Variants in ZDBF2 observed in about 807,000 individuals in gnomAD.
ZDBF2 encodes the protein DBF4-type zinc finger-containing protein 2.
In ZDBF2, 6 loss-of-function variants were observed where a neutral mutation model predicts 9.4. The ratio of observed to expected loss-of-function variants is 0.64; its 90% CI spans 0.35 to 1.27. The LOEUF (loss-of-function observed/expected upper bound fraction) is 1.27, where lower values mean the gene tolerates loss of function less well. Among genes scored for constraint, ZDBF2 ranks in the 50% most tolerant of loss-of-function variants. ZDBF2 has a pLI of 0.03. For missense variants in ZDBF2, 2,697 were observed against 2,766.8 expected, an observed-to-expected ratio of 0.97 and a Z score of 0.57; for synonymous variants, 905 against 946.3, an observed-to-expected ratio of 0.96 and a Z score of 0.80.
In ZDBF2 at chr2:206,305,835, C is replaced by T. The variant is rs1241415823; in HGVS notation, c.1307C>T (p.Thr436Ile). 6.2e-7 allele frequency: 1 copy of T among 1,613,420 alleles called. No homozygotes were observed. Among genetic ancestry groups the T allele is most frequent in the South Asian group, 1.1e-5 (1 of 91,028 alleles). ...KEVNLSKEVR[T>I]DVQYKNNKSY... ...GTAAACCTTTCCAAGGAAGTACGTA[C>T]TGATGTACAGTATAAGAATAATAAA... Residue 436 changes from threonine to isoleucine, a missense_variant, in exon 5 of 5, where the codon ACT becomes ATT. Physicochemically the swap from Thr to Ile is moderately conservative, Grantham distance 89. Around this residue, in one of 3 missense-constraint regions of ZDBF2, gnomAD observed 910 missense variants for 973.6 expected, o/e 0.93. Transcript: ENST00000374423.
Position 206,305,710 on chromosome 2 carries a change from C to G in ZDBF2, c.1182C>G (p.Asp394Glu). 1 of 1,613,722 alleles carries G rather than the reference C, an allele frequency of 6.2e-7. No homozygotes were observed. The highest frequency in any genetic ancestry group is 1.3e-5 in the African/African-American group (1 of 75,028). Residue 394 changes from aspartate (D) to glutamate (E), a missense_variant, in exon 5 of 5, where the codon GAC (aspartate) becomes GAG (glutamate). This residue lies in a region of ZDBF2 where 910 missense variants were observed against 973.6 expected (regional missense o/e 0.93). Coordinates refer to ENST00000374423, the MANE Select transcript of ZDBF2 (RefSeq NM_020923.3). ...GTCTTTGGAAGGAGGAGCAAATTGA[C>G]CAAGAAGATAACTATGAGTCTAGAG... Reference protein sequence around the residue: ...DLSLWKEEQIDQEDNYESRGS... With the variant: ...DLSLWKEEQIEQEDNYESRGS...
At position 206,309,118 on chromosome 2, in the gene ZDBF2, G is replaced by A; in HGVS notation, c.4590G>A (p.Leu1530=). The A allele has an allele frequency of 6.2e-7, 1 of 1,613,796 alleles. No homozygotes were observed. Among genetic ancestry groups the A allele is most frequent in the Non-Finnish European group, 8.5e-7 (1 of 1,179,822 alleles). Residue 1530 remains leucine, a synonymous_variant, in exon 5 of 5, where the codon CTG becomes CTA. Transcript: ENST00000374423. ...THLPKVVLVD[L]VPGDSDYEVI... ...TTCCAAAGGTGGTACTTGTGGATCT[G>A]GTGCCCGGTGATAGTGATTATGAAG...
chr2:206,305,785 C>T lies in ZDBF2; in HGVS notation c.1257C>T (p.Asp419=). Residue 419 remains aspartate (D), a synonymous_variant, in exon 5 of 5, where the codon GAC becomes GAT. Coordinates refer to ENST00000374423, the MANE Select transcript of ZDBF2 (RefSeq NM_020923.3). ...GTTCCTCTTTTCATTCACTGACTGACCAATCTAAAGTGAGTGCCAAAGAAG... is the reference window on the plus strand; with the variant it reads ...GTTCCTCTTTTCATTCACTGACTGATCAATCTAAAGTGAGTGCCAAAGAAG... ...DCSSSFHSLT[D]QSKVSAKEVN... is the part of the protein sequence containing the mutation. 6.2e-7 allele frequency: 1 copy of T among 1,613,670 alleles called. No individual in the cohort carries two copies. Among genetic ancestry groups the T allele is most frequent in the Non-Finnish European group, 8.5e-7 (1 of 1,179,796 alleles).
intron 2 of ZDBF2, 51 bp from the exon 3 acceptor site, chr2:206,281,750 T>C: frequency 8.9e-7 from 1 of 1,123,866 alleles, no homozygotes; most frequent in Non-Finnish European, 1.3e-6. Flanking sequence ...GCCATTTTCC[T>C]CATAAGAGTA....
In ZDBF2 at chr2:206,311,222, GTCTTTTT is replaced by G; in HGVS notation, c.6695_6701del (p.Val2232AspfsTer16). 6.2e-7 allele frequency: 1 copy of G among 1,611,824 alleles called. No homozygotes were observed. The highest frequency in any genetic ancestry group is 8.5e-7 in the Non-Finnish European group (1 of 1,179,050). On this transcript the variant is annotated frameshift_variant, in exon 5 of 5. Coordinates refer to ENST00000374423, the MANE Select transcript of ZDBF2 (RefSeq NM_020923.3). LOFTEE classifies it low-confidence loss of function (END_TRUNC). ...TAGAAAGTATATTTCGAAATACTCT[GTCTTTTT>G]ACGTCATAGATATCAGTCCAGGAGC...
Position 206,307,293 on chromosome 2 carries a change from T to A in ZDBF2, c.2765T>A (p.Ile922Asn). The A allele has an allele frequency of 1.9e-6, 3 of 1,609,480 alleles. No homozygotes were observed. Among genetic ancestry groups the A allele is most frequent in the South Asian group, 1.1e-5 (1 of 89,802 alleles). The part of the protein sequence containing the change: ...IDSEVSLDYN[I>N]IFHSVTGRSE... ...TCTGAAGTAAGTTTGGATTATAATA[T>A]CATTTTTCATTCAGTGACTGGACGT... The change falls in exon 5 of 5, where the codon ATC (isoleucine) becomes AAC (asparagine). Residue 922 changes from isoleucine (I) to asparagine (N), a missense_variant. By Grantham distance (149) the Ile-to-Asn change is moderately radical. This residue lies in a region of ZDBF2 where 1,783 missense variants were observed against 1,776.5 expected (regional missense o/e 1.00). Transcript: ENST00000374423.
Position 206,301,064 on chromosome 2 carries a change from G to A in ZDBF2, c.189-3653G>A, listed in dbSNP as rs532858398. ...CCTCCCAACCTAATAGGCCAAAAAT[G>A]TGTAGATATACATACTGATAATCCC... is the stretch of plus-strand genomic sequence containing the variant. On this transcript the variant is annotated intron_variant, in intron 4 of 4. Transcript: ENST00000374423. Among the ~76,000 whole-genome samples the A allele has an allele frequency of 6.6e-5, 10 of 152,224 alleles. No homozygotes were observed. In the South Asian group the frequency reaches 1.7e-3, roughly 25 times the overall value.
rs1288663295 is a variant in ZDBF2 at position 206,309,269 on chromosome 2, G to A, written c.4741G>A (p.Glu1581Lys). The part of the protein sequence containing the change: ...EDKSCDFFGS[E>K]VRCNCKASTP... ...TAAGAGCTGTGACTTTTTTGGTTCT[G>A]AAGTCAGATGTAATTGTAAAGCCTC... The change falls in exon 5 of 5, where the codon GAA (glutamate) becomes AAA (lysine). Residue 1581 changes from glutamate to lysine, a missense_variant. Glu to Lys is a moderately conservative substitution (Grantham distance 56). Transcript: ENST00000374423. The A allele has an allele frequency of 1.2e-6, 2 of 1,610,612 alleles. No homozygotes were observed. The highest frequency in any genetic ancestry group is 1.3e-5 in the African/African-American group (1 of 74,828).
At position 206,305,637 on chromosome 2, in the gene ZDBF2, C is replaced by A; in HGVS notation, c.1109C>A (p.Ser370Tyr). 1 of 1,613,694 alleles carries A rather than the reference C, an allele frequency of 6.2e-7. No individual in the cohort carries two copies. The highest frequency in any genetic ancestry group is 8.5e-7 in the Non-Finnish European group (1 of 1,179,792). Reference protein sequence around the residue: ...VSSEMKFDCISLQSASDQPQE... With the variant: ...VSSEMKFDCIYLQSASDQPQE... Reference sequence around the variant, plus strand: ...TCTGAAATGAAGTTTGATTGTATCTCTCTTCAGTCAGCATCTGATCAGCCC... The same window carrying A: ...TCTGAAATGAAGTTTGATTGTATCTATCTTCAGTCAGCATCTGATCAGCCC... Residue 370 changes from serine (S) to tyrosine (Y), a missense_variant, in exon 5 of 5, where the codon TCT (serine) becomes TAT (tyrosine). Ser to Tyr is a moderately radical substitution (Grantham distance 144). This residue lies in a region of ZDBF2 where 910 missense variants were observed against 973.6 expected (regional missense o/e 0.93). Coordinates refer to ENST00000374423, the MANE Select transcript of ZDBF2 (RefSeq NM_020923.3).
chr2:206,300,300 C>G (rs1371231394), intron 4 of ZDBF2, among the ~76,000 whole-genome samples: 1 of 152,212 alleles, frequency 6.6e-6, no homozygotes, highest in Non-Finnish European at 1.5e-5. Flanking sequence ...AGGAACCAGT[C>G]CACAATCACA....
intron 3 of ZDBF2, among the ~76,000 whole-genome samples, chr2:206,294,403 G>A (rs958221764): frequency 1.9e-4 from 29 of 152,344 alleles, no homozygotes; most frequent in African/African-American, 6.3e-4. Context: ...CTTATAGGAT[G>A]TAAATGAAGT....
chr2:206,284,789 C>T (rs1437992589), intron 3 of ZDBF2, among the ~76,000 whole-genome samples: 1 of 152,156 alleles, frequency 6.6e-6, no homozygotes, highest in Non-Finnish European at 1.5e-5. Flanking sequence ...AGTGCAGTGG[C>T]ATGATCTTGG....
At chr2:206,281,943 A>G (rs368955028) in intron 3 of ZDBF2, 34 bp downstream of exon 3, 411 of 1,572,372 alleles carry the variant, frequency 2.6e-4, no homozygotes, top group Non-Finnish European at 3.3e-4. Flanking sequence ...TAATATCTCA[A>G]AGGACCTAGT....
intron 3 of ZDBF2, among the ~76,000 whole-genome samples, chr2:206,295,107 T>C (rs1036673854): frequency 6.6e-6 from 1 of 152,152 alleles, no homozygotes; most frequent in African/African-American, 2.4e-5. Flanking sequence ...AACACAGTGG[T>C]CAGGAGCTAG....
rs777184431 is a variant in ZDBF2, at chr2:206,307,991, T to C, written c.3463T>C (p.Tyr1155His). 1 of 1,613,860 alleles carries C rather than the reference T, an allele frequency of 6.2e-7. No homozygotes were observed. The highest frequency in any genetic ancestry group is 1.1e-5 in the South Asian group (1 of 91,052). The change falls in exon 5 of 5, where the codon TAT becomes CAT. Residue 1155 changes from tyrosine (Y) to histidine (H), a missense_variant. Around this residue, in one of 3 missense-constraint regions of ZDBF2, gnomAD observed 1,783 missense variants for 1,776.5 expected, o/e 1.00. Coordinates refer to ENST00000374423, the MANE Select transcript of ZDBF2 (RefSeq NM_020923.3). ...HMYLEVKNSQ[Y>H]SCSEMNLDSG... ...GTACTTGGAAGTTAAGAACAGCCAA[T>C]ATAGTTGTTCAGAAATGAATTTGGA...
chr2:206,311,789 C>T lies in ZDBF2; in HGVS notation c.*196C>T. 2.2e-6 allele frequency: 1 copy of T among 454,084 alleles called. No homozygotes were observed. The highest frequency in any genetic ancestry group is 3.5e-6 in the Non-Finnish European group (1 of 287,810). The allele number at this position is 454,084 out of a possible 1,614,324, so 28.1% of individuals were successfully genotyped here. On this transcript the variant is annotated 3_prime_UTR_variant, in exon 5 of 5. Transcript: ENST00000374423. ...GTCCTTTCATTTTAAGATTCAGAAACAGCCTTTGTCCAACATTTTCTGTAG... is the reference window on the plus strand; with the variant it reads ...GTCCTTTCATTTTAAGATTCAGAAATAGCCTTTGTCCAACATTTTCTGTAG...
chr2:206,285,740 C>T (rs1691567227), intron 3 of ZDBF2, among the ~76,000 whole-genome samples: 1 of 152,180 alleles, frequency 6.6e-6, no homozygotes, highest in Non-Finnish European at 1.5e-5. Context: ...TGTCCCAAAG[C>T]ATTTCCCCTG....
intron 3 of ZDBF2, among the ~76,000 whole-genome samples, chr2:206,288,353 G>T (rs1282963951): frequency 1.3e-5 from 2 of 152,196 alleles, no homozygotes; most frequent in Non-Finnish European, 2.9e-5. Context: ...AATAACTGTG[G>T]GCACTTCAGT....
chr2:206,295,796 A>T (rs1692143510), intron 3 of ZDBF2, among the ~76,000 whole-genome samples: 1 of 152,156 alleles, frequency 6.6e-6, no homozygotes, highest in Admixed American at 6.5e-5. Flanking sequence ...GGTACATCAT[A>T]GGTGCCCCAT....
Sources: allele counts gnomAD v4.1 joint callset (sites outside exome capture counted in the v4.1 genomes callset), GRCh38; gene constraint gnomAD v4.1.1; regional missense constraint gnomAD v4.1.1; transcripts MANE v1.5; gene names NCBI Gene and HGNC (gene_info 2026-07-23, HGNC 2026-07-21).